NDUFAF7: variants seen among roughly 807,000 people sequenced by gnomAD.
The protein encoded by NDUFAF7 is NADH:ubiquinone oxidoreductase complex assembly factor 7, also known as protein arginine methyltransferase NDUFAF7, mitochondrial.
A neutral mutation model predicts 47.2 loss-of-function variants in NDUFAF7; 48 were observed. The observed-to-expected ratio is 1.02, with a 90% CI of 0.81 to 1.29. The LOEUF (loss-of-function observed/expected upper bound fraction) is 1.29, where lower values mean the gene tolerates loss of function less well. NDUFAF7 is among the 50% of genes most tolerant of loss of function. NDUFAF7 has a pLI of 0.00. For synonymous variants in NDUFAF7, 217 were observed against 190.0 expected (o/e 1.14, Z -1.17); for missense variants, 635 against 537.6 (o/e 1.18, Z -1.79).
At chr2:37,258,547 C>T in the NDUFAF7 span, among the ~76,000 whole-genome samples, 3 of 152,106 alleles carry the variant, frequency 2.0e-5, no homozygotes, top group Non-Finnish European at 2.9e-5. Flanking sequence ...AAATAGAGGT[C>T]AGAAAGTGGG....
chr2:37,242,544 A>T, intron 5 of NDUFAF7, 91 bp from the exon 6 acceptor site: 3 of 989,210 alleles, frequency 3.0e-6, no homozygotes, highest in Non-Finnish European at 4.7e-6. Flanking sequence ...ATGATTATGG[A>T]GGAAGTAGGC....
At chr2:37,261,698 T>C in the NDUFAF7 span, among the ~76,000 whole-genome samples, 1 of 152,306 alleles carries the variant, frequency 6.6e-6, no homozygotes, top group African/African-American at 2.4e-5. Context: ...GAGAATTGCT[T>C]GAACCTGGGA....
At chr2:37,254,548 GGCTGAAGTCTGGTTCTGCCACCTACTA>G (rs770436024), downstream of NDUFAF7, among the ~76,000 whole-genome samples, 56 of 152,162 alleles carry the variant, frequency 3.7e-4, no homozygotes, top group Non-Finnish European at 7.6e-4. Context: ...TGACTGCCTG[GGCTGAAGTCTGGTTCTGCCACCTACTA>G]GCTGTGTGAT....
chr2:37,249,643 G>GACAGACAGACACACAC (rs1261022368), downstream of NDUFAF7, among the ~76,000 whole-genome samples: 1 of 132,524 alleles, frequency 7.5e-6, no homozygotes, highest in African/African-American at 3.0e-5. Context: ...CTGTGATAGA[G>GACAGACAGACACACAC]ACACACACAC....
At position 37,237,832 on chromosome 2, in the gene NDUFAF7, C is replaced by T; in HGVS notation, c.373C>T (p.Pro125Ser). 6.2e-7 allele frequency: 1 copy of T among 1,613,216 alleles called. No individual in the cohort carries two copies. Among genetic ancestry groups the T allele is most frequent in the East Asian group, 2.2e-5 (1 of 44,856 alleles). Residue 125 changes from proline to serine, a missense_variant, in exon 4 of 10, where the codon CCA becomes TCA. By Grantham distance (74) the Pro-to-Ser change is moderately conservative (BLOSUM62 -1). Coordinates refer to ENST00000002125, the MANE Select transcript of NDUFAF7 (RefSeq NM_144736.5). ...STAFQLVELG[P>S]GRGTLVGDIL... The stretch of plus-strand genomic sequence containing the variant: ...AGCTTTCCAGCTGGTGGAACTGGGC[C>T]CAGGTAGGGGAACCCTCGTGGGAGA...
the NDUFAF7 span, among the ~76,000 whole-genome samples, chr2:37,263,500 G>A: frequency 6.6e-6 from 1 of 152,076 alleles, no homozygotes; most frequent in East Asian, 1.9e-4. Context: ...CATTTCTCAT[G>A]GACTACTGAT....
rs1667129699 is a variant in NDUFAF7, at chr2:37,248,238, T to C, written c.1214T>C (p.Phe405Ser). The stretch of plus-strand genomic sequence containing the variant: ...AAGATGGGAGAGAGATTTAACTTTT[T>C]TGCCTTGCTACCTCATCAGAGACTT... ...PKKMGERFNF[F>S]ALLPHQRLQG... Residue 405 changes from phenylalanine (F) to serine (S), a missense_variant, in exon 10 of 10, where the codon TTT becomes TCT. Coordinates refer to ENST00000002125, the MANE Select transcript of NDUFAF7 (RefSeq NM_144736.5). 1 of 1,614,034 alleles carries C rather than the reference T, an allele frequency of 6.2e-7. No individual in the cohort carries two copies. Among genetic ancestry groups the C allele is most frequent in the Non-Finnish European group, 8.5e-7 (1 of 1,179,916 alleles).
At chr2:37,249,641 GAGACACAC>G (rs771236545), downstream of NDUFAF7, among the ~76,000 whole-genome samples, 4 of 59,586 alleles carry the variant, frequency 6.7e-5, no homozygotes, top group African/African-American at 4.2e-4. Context: ...GCCTGTGATA[GAGACACAC>G]ACACACACAC....
chr2:37,232,874 A>G (rs1285863022), intron 2 of NDUFAF7, among the ~76,000 whole-genome samples: 3 of 152,200 alleles, frequency 2.0e-5, no homozygotes, highest in Non-Finnish European at 4.4e-5. Context: ...GTGAAAGCCT[A>G]TAGTCCTTTA....
At chr2:37,249,558 G>GACACACACACACACACACAC (rs56374800), downstream of NDUFAF7, among the ~76,000 whole-genome samples, 56 of 128,486 alleles carry the variant, frequency 4.4e-4, 3 homozygotes, top group African/African-American at 1.6e-3. Context: ...GCCTGTGATA[G>GACACACACACACACACACAC]ACACACACAC....
chr2:37,258,914 T>C, the NDUFAF7 span, among the ~76,000 whole-genome samples: 1 of 152,172 alleles, frequency 6.6e-6, no homozygotes, highest in Non-Finnish European at 1.5e-5. Context: ...ATCGGAGGAA[T>C]CATCCTTGCC....
At chr2:37,261,843 G>C in the NDUFAF7 span, among the ~76,000 whole-genome samples, 7 of 151,982 alleles carry the variant, frequency 4.6e-5, no homozygotes, top group Non-Finnish European at 1.0e-4. Context: ...TTTTTCAACT[G>C]TAGAATGGTA....
downstream of NDUFAF7, chr2:37,252,949 C>A: frequency 8.5e-6 from 3 of 353,190 alleles, no homozygotes; most frequent in Middle Eastern, 7.6e-4. Flanking sequence ...ATTGCTTAGG[C>A]TAAAAAAGTT....
the NDUFAF7 span, among the ~76,000 whole-genome samples, chr2:37,270,351 GA>G: frequency 5.5e-3 from 770 of 140,826 alleles, 2 homozygotes; most frequent in South Asian, 0.019. Flanking sequence ...TTGATTTTTG[GA>G]AAAAAAAAAA....
At chr2:37,238,966 A>G (rs937910348) in intron 4 of NDUFAF7, among the ~76,000 whole-genome samples, 2 of 152,014 alleles carry the variant, frequency 1.3e-5, no homozygotes, top group Non-Finnish European at 2.9e-5. Context: ...TTAAAATCAC[A>G]ATGAGATACT....
chr2:37,262,902 C>A, the NDUFAF7 span, among the ~76,000 whole-genome samples: 58 of 151,578 alleles, frequency 3.8e-4, no homozygotes, highest in African/African-American at 1.1e-3. Context: ...CCTTCCCCCC[C>A]CCGTATTTGT....
the NDUFAF7 span, among the ~76,000 whole-genome samples, chr2:37,264,072 T>A: frequency 1.3e-5 from 2 of 152,166 alleles, no homozygotes; most frequent in African/African-American, 2.4e-5. Flanking sequence ...ACATTTTACA[T>A]TACCACATAA....
downstream of NDUFAF7, among the ~76,000 whole-genome samples, chr2:37,255,969 G>A (rs1363698237): frequency 6.6e-6 from 1 of 152,090 alleles, no homozygotes; most frequent in Non-Finnish European, 1.5e-5. Context: ...AGCTGTGTTT[G>A]TGCACACTTC....
chr2:37,233,858 A>C (rs1008493652), intron 2 of NDUFAF7, among the ~76,000 whole-genome samples: 6 of 152,108 alleles, frequency 3.9e-5, no homozygotes, highest in Non-Finnish European at 8.8e-5. Context: ...GGATGGAAAA[A>C]ATATTATACC....
Sources: allele counts gnomAD v4.1 joint callset (sites outside exome capture counted in the v4.1 genomes callset), GRCh38; gene constraint gnomAD v4.1.1; transcripts MANE v1.5; gene names NCBI Gene and HGNC (gene_info 2026-07-23, HGNC 2026-07-21).